HK1: variants seen among roughly 807,000 people sequenced by gnomAD.
The protein encoded by HK1 is hexokinase 1, also known as hexokinase-1.
In HK1, 28 loss-of-function variants were observed where a neutral mutation model predicts 91.6. The observed-to-expected ratio is 0.31, with a 90% CI of 0.23 to 0.42. HK1 has a LOEUF of 0.42. Among genes scored for constraint, HK1 ranks in the 10% least tolerant of loss-of-function variants. The pLI, the probability that HK1 is intolerant of heterozygous loss-of-function variation, is 1.00. For missense variants in HK1, 770 were observed against 1,219.8 expected (o/e 0.63, Z 5.49); for synonymous variants, 430 against 468.1 (o/e 0.92, Z 1.05).
chr10:69,381,217 G>A (rs12252651), intron 9 of HK1, among the ~76,000 whole-genome samples: 2,489 of 152,168 alleles, frequency 0.016, 72 homozygotes, highest in African/African-American at 0.057. Context: ...GAGCATGGGG[G>A]TGCAGAGGTT....
chr10:69,394,130 G>A lies in HK1; in HGVS notation c.2220-820G>A, dbSNP rs189414808. 1.4e-3 allele frequency among the ~76,000 whole-genome samples: 209 copies of A among 152,314 alleles called. 1 individual carries two copies. The highest frequency in any genetic ancestry group is 0.012 in the South Asian group (57 of 4,824). On this transcript the variant is annotated intron_variant, in intron 15 of 17. Coordinates refer to ENST00000359426, the MANE Select transcript of HK1 (RefSeq NM_000188.3). ...GAATCCTGGAGTTCCAAATTCCAGG[G>A]GACTCTTCTCAGCTTTGGGACACTG...
intron 5 of HK1, among the ~76,000 whole-genome samples, chr10:69,306,268 G>A (rs1846098694): frequency 6.6e-6 from 1 of 152,088 alleles, no homozygotes; most frequent in African/African-American, 2.4e-5. Flanking sequence ...TGAGGCAGGA[G>A]AATGGTGTGA....
chr10:69,381,487 C>T (rs935326929), intron 9 of HK1, among the ~76,000 whole-genome samples: 8 of 149,696 alleles, frequency 5.3e-5, no homozygotes, highest in Admixed American at 4.7e-4. Context: ...TGCAGCATCA[C>T]ATTAGAATTT....
chr10:69,334,490 AG>A (rs1459151602), intron 1 of HK1, among the ~76,000 whole-genome samples: 1 of 152,136 alleles, frequency 6.6e-6, no homozygotes, highest in Non-Finnish European at 1.5e-5. Context: ...AGGGGTTAGA[AG>A]TGCCTGGAAC....
Position 69,294,216 on chromosome 10 carries a change from C to T in HK1, c.-114-1417C>T, listed in dbSNP as rs532434752. 3.0e-3 allele frequency among the ~76,000 whole-genome samples: 463 copies of T among 152,248 alleles called. 4 individuals are homozygous for T. The highest frequency in any genetic ancestry group is 0.011 in the African/African-American group (449 of 41,550). On this transcript the variant is annotated intron_variant, in intron 3 of 21. Coordinates refer to the HK1 transcript ENST00000360289. The stretch of plus-strand genomic sequence containing the variant: ...CATGGCATTGCTATTGTCCTATGAG[C>T]CCAAGCAAGTCACATGGCCAGTTCT...
chr10:69,283,798 C>CAAAAAAAAAAAAAAAAAAAAAA (rs571297748), intron 2 of HK1, among the ~76,000 whole-genome samples: 8 of 67,566 alleles, frequency 1.2e-4, no homozygotes, highest in Non-Finnish European at 1.9e-4. Context: ...GACTCTGTCT[C>CAAAAAAAAAAAAAAAAAAAAAA]AAAAAAAAAA....
At chr10:69,299,362 G>T (rs7095424) in intron 4 of HK1, among the ~76,000 whole-genome samples, 2,762 of 141,470 alleles carry the variant, frequency 0.02, 123 homozygotes, top group African/African-American at 0.071. Context: ...TGTGGTTTTT[G>T]TTTGTTTGTT....
At position 69,342,160 on chromosome 10, in the gene HK1, CAAAAA is replaced by C. The variant is rs1483265749; in HGVS notation, c.64-1666_64-1662del. Among the ~76,000 whole-genome samples, 422 of 97,896 alleles carry C rather than the reference CAAAAA, an allele frequency of 4.3e-3. 2 individuals carry two copies. Among genetic ancestry groups the C allele is most frequent in the African/African-American group, 0.015 (397 of 26,974 alleles). 64.2% of individuals were successfully genotyped at this position (97,896 alleles called of 152,430 possible). On this transcript the variant is annotated intron_variant, in intron 1 of 17. Transcript: ENST00000359426. Reference sequence around the variant, plus strand: ...TAGACTATGAAAAAAAAACCAACCCCAAAAACAAACAAACAAACAAACAAACAAAC... The same window carrying C: ...TAGACTATGAAAAAAAAACCAACCCCCAAACAAACAAACAAACAAACAAAC...
At chr10:69,289,286 G>A (rs1845172899) in intron 3 of HK1, among the ~76,000 whole-genome samples, 1 of 152,122 alleles carries the variant, frequency 6.6e-6, no homozygotes, top group African/African-American at 2.4e-5. Context: ...ACCAAGGGAA[G>A]CCCAGAGGAT....
At position 69,384,931 on chromosome 10, in the gene HK1, T is replaced by C. The variant is rs753104350; in HGVS notation, c.1839+16T>C. ...TCTGGACGCGGTGAGTCTCTGTTCTTAGGGCTCAGTGATCGGGCAGCACTG... is the reference window on the plus strand; with the variant it reads ...TCTGGACGCGGTGAGTCTCTGTTCTCAGGGCTCAGTGATCGGGCAGCACTG... On this transcript the variant is annotated intron_variant, in intron 12 of 17. Transcript: ENST00000359426. The C allele has an allele frequency of 1.9e-5, 31 of 1,613,988 alleles. No individual in the cohort carries two copies. Among genetic ancestry groups the C allele is most frequent in the Non-Finnish European group, 8.5e-7 (1 of 1,180,012 alleles).
chr10:69,374,961 A>G (rs1315551677), intron 7 of HK1, among the ~76,000 whole-genome samples: 1 of 152,206 alleles, frequency 6.6e-6, no homozygotes, highest in African/African-American at 2.4e-5. Context: ...AGTGACAGCT[A>G]ACATTGAGTG....
In HK1 at chr10:69,321,750, A is replaced by G. The variant is rs368353722; in HGVS notation, c.63+2740A>G. On this transcript the variant is annotated intron_variant, in intron 1 of 17. Transcript: ENST00000359426. ...ATCAATAATTCAACTCCATAAAAAT[A>G]TATCCTGGGTTGAAACAGTTCAGGT... 5.3e-4 allele frequency among the ~76,000 whole-genome samples: 80 copies of G among 152,310 alleles called. 1 individual carries two copies. The South Asian group carries it at 0.015, about 29-fold the overall frequency.
chr10:69,318,511 C>T (rs1327543383), upstream of HK1, among the ~76,000 whole-genome samples: 1 of 152,214 alleles, frequency 6.6e-6, no homozygotes, highest in African/African-American at 2.4e-5. Context: ...CTCGCACCTC[C>T]CCGCCTGGCA....
intron 3 of HK1, among the ~76,000 whole-genome samples, chr10:69,364,123 C>T (rs531167641): frequency 3.3e-4 from 50 of 152,112 alleles, no homozygotes; most frequent in Middle Eastern, 3.2e-3. Flanking sequence ...TGGGTGGTAG[C>T]GGTAGTGACT....
At chr10:69,379,825 G>T (rs762557014) in intron 8 of HK1, 37 bp from the exon 9 acceptor site, 24 of 1,410,600 alleles carry the variant, frequency 1.7e-5, no homozygotes, top group Non-Finnish European at 2.4e-5. Context: ...GCCTCATGTG[G>T]TCCTCAGTGC....
intron 13 of HK1, among the ~76,000 whole-genome samples, chr10:69,388,876 T>C (rs1055956158): frequency 6.6e-6 from 1 of 152,226 alleles, no homozygotes; most frequent in Admixed American, 6.5e-5. Flanking sequence ...TGAAAGGCCA[T>C]AATGCTTTAA....
At chr10:69,366,826 G>C (rs1849727645) in intron 4 of HK1, among the ~76,000 whole-genome samples, 1 of 152,206 alleles carries the variant, frequency 6.6e-6, no homozygotes, top group Non-Finnish European at 1.5e-5. Context: ...CCCTTCCCTT[G>C]TGAGAGGTGG....
chr10:69,295,397 A>T (rs1014096983), intron 3 of HK1, among the ~76,000 whole-genome samples: 3 of 152,186 alleles, frequency 2.0e-5, no homozygotes, highest in Non-Finnish European at 2.9e-5. Flanking sequence ...TGCCTGGTAC[A>T]TTTGTAAGAA....
chr10:69,380,117 A>G lies in HK1; in HGVS notation c.1265+22A>G. 4.4e-6 allele frequency: 7 copies of G among 1,581,194 alleles called. No individual in the cohort carries two copies. The highest frequency in any genetic ancestry group is 6.1e-6 in the Non-Finnish European group (7 of 1,149,972). On this transcript the variant is annotated intron_variant, in intron 9 of 17. Coordinates refer to ENST00000359426, the MANE Select transcript of HK1 (RefSeq NM_000188.3). This position sits in a 1 kb window ranked among gnomAD's most constrained non-coding sequence, Gnocchi z 4.0. ...CACAGTGAGTCTGCCCTTTGCTATC[A>G]TTGGCACTCTGTACCCATTGTGGGT... is the stretch of plus-strand genomic sequence containing the variant.
Sources: gnomAD v4.1 joint callset for allele counts (sites outside exome capture counted in the v4.1 genomes callset) on GRCh38, gnomAD v4.1.1 for gene constraint, Gnocchi (gnomAD v3.1) non-coding constraint, MANE v1.5 for transcripts, NCBI Gene and HGNC (gene_info 2026-07-23, HGNC 2026-07-21) for gene names.